MACROD2: variants seen among roughly 807,000 people sequenced by gnomAD.
MACROD2 encodes the protein ADP-ribose glycohydrolase MACROD2.
MACROD2 carries 36 observed loss-of-function variants against 70.4 expected under a neutral mutation model. The ratio of observed to expected loss-of-function variants is 0.51; its 90% CI spans 0.39 to 0.68. The LOEUF is 0.68. MACROD2 is among the 30% of genes least tolerant of loss of function. The pLI is 0.00. For synonymous variants in MACROD2, 172 were observed against 178.8 expected (o/e 0.96, Z 0.30); for missense variants, 496 against 538.4 (o/e 0.92, Z 0.78).
intron 7 of MACROD2, among the ~76,000 whole-genome samples, chr20:15,436,878 C>T (rs1444747267): frequency 6.6e-6 from 1 of 152,154 alleles, no homozygotes; most frequent in Non-Finnish European, 1.5e-5. Context: ...CCTGGTGGCA[C>T]TCTTTTTCTT....
intron 5 of MACROD2, among the ~76,000 whole-genome samples, chr20:14,708,508 G>C (rs997909076): frequency 6.6e-6 from 1 of 152,216 alleles, no homozygotes; most frequent in Non-Finnish European, 1.5e-5. Flanking sequence ...CATGAAAGCA[G>C]CTTGGTTAGG....
At chr20:14,776,996 G>T (rs2072242678) in intron 5 of MACROD2, among the ~76,000 whole-genome samples, 1 of 152,070 alleles carries the variant, frequency 6.6e-6, no homozygotes, top group Non-Finnish European at 1.5e-5. Flanking sequence ...ATGTAGTCAT[G>T]CTTTGTTCTT....
intron 8 of MACROD2, among the ~76,000 whole-genome samples, chr20:15,655,018 T>C (rs1173847895): frequency 6.6e-6 from 1 of 152,186 alleles, no homozygotes; most frequent in Non-Finnish European, 1.5e-5. Context: ...CTAAGTCTCG[T>C]CTATAGGACT....
At chr20:15,362,688 CAAAT>C (rs754782355) in intron 6 of MACROD2, among the ~76,000 whole-genome samples, 2 of 151,638 alleles carry the variant, frequency 1.3e-5, no homozygotes, top group Non-Finnish European at 2.9e-5. Context: ...ATGTAGTGAT[CAAAT>C]AAATTGTTGA....
At chr20:15,116,922 T>G (rs1010011394) in intron 5 of MACROD2, among the ~76,000 whole-genome samples, 1 of 152,214 alleles carries the variant, frequency 6.6e-6, no homozygotes, top group Admixed American at 6.5e-5. Context: ...GTATATTCTT[T>G]TTAAAGAAGT....
intron 5 of MACROD2, among the ~76,000 whole-genome samples, chr20:15,063,107 C>T (rs546862405): frequency 1.4e-3 from 212 of 152,270 alleles, no homozygotes; most frequent in African/African-American, 4.8e-3. Context: ...CTCATTCATT[C>T]GCTTCATTCA....
At chr20:14,266,323 T>C (rs2082143975) in intron 3 of MACROD2, among the ~76,000 whole-genome samples, 2 of 152,164 alleles carry the variant, frequency 1.3e-5, no homozygotes, top group Admixed American at 6.5e-5. Context: ...TTTGAAAATT[T>C]GGGGTTTCTT....
At chr20:14,156,376 C>T (rs558971225) in intron 3 of MACROD2, among the ~76,000 whole-genome samples, 7 of 152,200 alleles carry the variant, frequency 4.6e-5, no homozygotes, top group South Asian at 4.1e-4. Flanking sequence ...TTTGCGTTTG[C>T]GGTATTGCTT....
intron 3 of MACROD2, chr20:14,324,131 G>T (rs1219406475): frequency 2.6e-5 from 4 of 152,504 alleles, no homozygotes; most frequent in Non-Finnish European, 2.9e-5. Flanking sequence ...CAATTATTCT[G>T]TACTTTTTAA....
chr20:14,686,880 A>C (rs563535252), intron 5 of MACROD2, among the ~76,000 whole-genome samples: 2 of 152,274 alleles, frequency 1.3e-5, no homozygotes, highest in South Asian at 4.1e-4. Flanking sequence ...TGAAATAGTC[A>C]AATCATGTGC....
intron 2 of MACROD2, among the ~76,000 whole-genome samples, chr20:14,032,235 A>G: frequency 6.6e-6 from 1 of 152,028 alleles, no homozygotes; most frequent in Non-Finnish European, 1.5e-5. Flanking sequence ...ATGAACTATT[A>G]GTTTTTTTCC....
chr20:14,093,806 T>G (rs1405359500), intron 3 of MACROD2, among the ~76,000 whole-genome samples: 1 of 152,120 alleles, frequency 6.6e-6, no homozygotes, highest in Admixed American at 6.5e-5. Flanking sequence ...GATGAAGTGT[T>G]TATTAGAGCC....
intron 5 of MACROD2, among the ~76,000 whole-genome samples, chr20:15,060,268 G>A (rs769645788): frequency 4.6e-5 from 7 of 152,212 alleles, no homozygotes; most frequent in Non-Finnish European, 1.0e-4. Context: ...GAAGGTTGAA[G>A]TGAAGCAGCA....
chr20:15,419,201 G>A (rs1045355921), intron 6 of MACROD2, among the ~76,000 whole-genome samples: 5 of 152,124 alleles, frequency 3.3e-5, no homozygotes, highest in African/African-American at 1.2e-4. Flanking sequence ...CTCTCCAGAT[G>A]GTGAAGGTCA....
chr20:15,611,371 G>A (rs2048967330), intron 8 of MACROD2, among the ~76,000 whole-genome samples: 1 of 152,056 alleles, frequency 6.6e-6, no homozygotes, highest in African/African-American at 2.4e-5. Flanking sequence ...TGTGTCCATT[G>A]GCATCCAGCT....
intron 3 of MACROD2, among the ~76,000 whole-genome samples, chr20:14,170,789 T>A (rs960000216): frequency 7.2e-5 from 11 of 152,148 alleles, no homozygotes; most frequent in African/African-American, 2.7e-4. Flanking sequence ...TCATTAGGGA[T>A]ATTGGGCCTT....
Position 15,585,417 on chromosome 20 carries a change from C to T in MACROD2, c.645+85570C>T, listed in dbSNP as rs187892916. Among the ~76,000 whole-genome samples the T allele has an allele frequency of 1.2e-3, 182 of 152,146 alleles. 1 individual carries two copies. The highest frequency in any genetic ancestry group is 3.2e-3 in the Admixed American group (49 of 15,282). ...TTTACCATGCTGCCCAGGCTGGTCTCGAGCTCCTGACCTCGTGATCCACCC... is the reference window on the plus strand; with the variant it reads ...TTTACCATGCTGCCCAGGCTGGTCTTGAGCTCCTGACCTCGTGATCCACCC... On this transcript the variant is annotated intron_variant, in intron 8 of 17. Coordinates refer to ENST00000684519, the MANE Select transcript of MACROD2 (RefSeq NM_001351661.2).
At chr20:14,057,990 A>G (rs909464628) in intron 2 of MACROD2, among the ~76,000 whole-genome samples, 1 of 152,214 alleles carries the variant, frequency 6.6e-6, no homozygotes, top group East Asian at 1.9e-4. Flanking sequence ...TTTAAAAACT[A>G]TAAAATACAA....
chr20:15,510,003 T>C (rs1392160193), intron 8 of MACROD2, among the ~76,000 whole-genome samples: 1 of 152,236 alleles, frequency 6.6e-6, no homozygotes, highest in Non-Finnish European at 1.5e-5. Context: ...TCTGTATGCC[T>C]TTAAGATGAT....
Sources: allele counts gnomAD v4.1 joint callset (sites outside exome capture counted in the v4.1 genomes callset), GRCh38; gene constraint gnomAD v4.1.1; transcripts MANE v1.5; gene names NCBI Gene and HGNC (gene_info 2026-07-23, HGNC 2026-07-21).